Variants in FOCAD observed in about 807,000 individuals in gnomAD.
FOCAD encodes the protein focadhesin.
In FOCAD, 198 loss-of-function variants were observed where a neutral mutation model predicts 225.6. The ratio of observed to expected loss-of-function variants is 0.88; its 90% CI spans 0.78 to 0.99. The LOEUF (loss-of-function observed/expected upper bound fraction) is 0.99. FOCAD is among the 50% of genes least tolerant of loss of function. FOCAD has a pLI of 0.00. For synonymous variants in FOCAD, 897 were observed against 755.0 expected (o/e 1.19, Z -3.08); for missense variants, 2,713 against 2,123.6 (o/e 1.28, Z -5.46).
intron 38 of FOCAD, among the ~76,000 whole-genome samples, chr9:20,982,002 T>G (rs1483664354): frequency 2.0e-5 from 3 of 152,152 alleles, no homozygotes; most frequent in Non-Finnish European, 4.4e-5. Context: ...ACCTGGAGAA[T>G]CCGTGGGCAT....
intron 35 of FOCAD, among the ~76,000 whole-genome samples, chr9:20,958,321 T>C (rs924714609): frequency 1.3e-5 from 2 of 151,898 alleles, no homozygotes; most frequent in Non-Finnish European, 2.9e-5. Context: ...TTGCATATAA[T>C]TGCCAGAAGG....
Position 20,684,855 on chromosome 9 carries a change from C to G in FOCAD, c.-33+562C>G, listed in dbSNP as rs553195910. ...TTTTCAGTCTCCTAGTTCTCTGGCTCCGTCCGCACTTGCGGCAATTACTTG... is the reference window on the plus strand; with the variant it reads ...TTTTCAGTCTCCTAGTTCTCTGGCTGCGTCCGCACTTGCGGCAATTACTTG... On this transcript the variant is annotated intron_variant, in intron 1 of 43. Transcript: ENST00000338382. Among the ~76,000 whole-genome samples, 11 of 152,336 alleles carry G rather than the reference C, an allele frequency of 7.2e-5. No individual in the cohort carries two copies. The South Asian group carries it at 1.0e-3, about 14-fold the overall frequency.
chr9:20,738,475 A>C (rs1353160291), intron 4 of FOCAD, among the ~76,000 whole-genome samples: 1 of 152,208 alleles, frequency 6.6e-6, no homozygotes, highest in Admixed American at 6.5e-5. Context: ...CACAGGAGAG[A>C]GAATCTTTAT....
rs1475833689 is a variant in FOCAD, at chr9:20,715,323, A to C, written c.-31A>C. 1 of 1,459,616 alleles carries C rather than the reference A, an allele frequency of 6.9e-7. No individual in the cohort carries two copies. Among genetic ancestry groups the C allele is most frequent in the Non-Finnish European group, 9.2e-7 (1 of 1,088,706 alleles). 90.4% of individuals were successfully genotyped at this position (1,459,616 alleles called of 1,614,324 possible). A position where few individuals can be genotyped will look rare whatever the true frequency, so the allele number is the denominator to read the frequency against. ...AATATTCTTTTGTTTTGGTTACAGAAGCTGCACACATACATGTAAGAGAAG... is the reference window on the plus strand; with the variant it reads ...AATATTCTTTTGTTTTGGTTACAGACGCTGCACACATACATGTAAGAGAAG... On this transcript the variant is annotated splice_region_variant and 5_prime_UTR_variant, in exon 2 of 44. Transcript: ENST00000338382.
At chr9:20,916,832 G>A in intron 23 of FOCAD, 61 bp from the exon 24 acceptor site, 1 of 1,465,098 alleles carries the variant, frequency 6.8e-7, no homozygotes, top group East Asian at 2.4e-5. Flanking sequence ...TGATGAAAAA[G>A]AGAAAGGAAT....
At chr9:20,866,888 C>CTGTTTTTTTTTTTTTTTTTTTTTTTT in intron 17 of FOCAD, 41 bp from the exon 18 acceptor site, 1 of 341,496 alleles carries the variant, frequency 2.9e-6, no homozygotes, top group Non-Finnish European at 4.2e-6. Context: ...TGTTTGCTTG[C>CTGTTTTTTTTTTTTTTTTTTTTTTTT]TTTTTTTTTT....
intron 4 of FOCAD, among the ~76,000 whole-genome samples, chr9:20,720,960 C>G (rs1825724560): frequency 1.3e-5 from 2 of 152,134 alleles, no homozygotes; most frequent in East Asian, 3.8e-4. Context: ...ATTTATTTCT[C>G]AAATATTTTG....
intron 24 of FOCAD, among the ~76,000 whole-genome samples, chr9:20,917,532 G>C (rs1179579043): frequency 6.6e-6 from 1 of 151,970 alleles, no homozygotes; most frequent in African/African-American, 2.4e-5. Flanking sequence ...ATCTCTTCAG[G>C]TTCCTTTGTC....
chr9:20,720,680 G>A, intron 4 of FOCAD, 146 bp downstream of exon 4: 1 of 778,676 alleles, frequency 1.3e-6, no homozygotes, highest in Non-Finnish European at 2.0e-6. Flanking sequence ...TTTCATATAT[G>A]AAAATATCAT....
intron 40 of FOCAD, among the ~76,000 whole-genome samples, chr9:20,986,982 A>G (rs146598940): frequency 6.6e-6 from 1 of 152,284 alleles, no homozygotes. Context: ...AGACCGTTTT[A>G]GACGTTATGC....
At chr9:20,773,606 C>A (rs1352864586) in intron 8 of FOCAD, among the ~76,000 whole-genome samples, 1 of 152,188 alleles carries the variant, frequency 6.6e-6, no homozygotes, top group Non-Finnish European at 1.5e-5. Flanking sequence ...TTTCCCCTGA[C>A]TATTCAGACT....
intron 1 of FOCAD, among the ~76,000 whole-genome samples, chr9:20,704,324 T>C (rs1271138553): frequency 6.6e-6 from 1 of 152,230 alleles, no homozygotes; most frequent in Non-Finnish European, 1.5e-5. Context: ...CATTTGGTCT[T>C]CAGCTTTCAT....
intron 18 of FOCAD, among the ~76,000 whole-genome samples, chr9:20,870,372 A>G (rs1829653913): frequency 6.6e-6 from 1 of 152,156 alleles, no homozygotes; most frequent in Admixed American, 6.6e-5. Flanking sequence ...AAACTCTTGG[A>G]TTTCCATAGG....
In FOCAD at chr9:20,741,708, G is replaced by A. The variant is rs535529263; in HGVS notation, c.392+1368G>A. On this transcript the variant is annotated intron_variant, in intron 5 of 43. Coordinates refer to ENST00000338382, the MANE Select transcript of FOCAD (RefSeq NM_001375567.1). ...TTTTTTTTTTTTTTTTAACATAGTGGTGTCCTTTGTGACGTAAGGGTTTAT... is the reference window on the plus strand; with the variant it reads ...TTTTTTTTTTTTTTTTAACATAGTGATGTCCTTTGTGACGTAAGGGTTTAT... Among the ~76,000 whole-genome samples the A allele has an allele frequency of 2.3e-4, 28 of 122,588 alleles. No homozygotes were observed. In the South Asian group the frequency reaches 7.7e-3, roughly 34 times the overall value. The allele number at this position is 122,588 out of a possible 152,430, so 80.4% of individuals were successfully genotyped here. A position where few individuals can be genotyped will look rare whatever the true frequency, so the allele number is the denominator to read the frequency against.
intron 35 of FOCAD, among the ~76,000 whole-genome samples, chr9:20,964,033 G>A (rs1370035934): frequency 5.3e-5 from 8 of 152,086 alleles, no homozygotes; most frequent in Non-Finnish European, 1.2e-4. Flanking sequence ...GTTTATAAAT[G>A]TATTTACTTT....
In FOCAD at chr9:20,938,564, C is replaced by T. The variant is rs538585926; in HGVS notation, c.3407+5461C>T. Among the ~76,000 whole-genome samples the T allele has an allele frequency of 1.1e-3, 153 of 144,700 alleles. 1 individual carries two copies. Among genetic ancestry groups the T allele is most frequent in the South Asian group, 6.8e-3 (30 of 4,404 alleles). 94.9% of individuals were successfully genotyped at this position (144,700 alleles called of 152,430 possible). On this transcript the variant is annotated intron_variant, in intron 28 of 43. Transcript: ENST00000338382. ...TGGACACAGGAAGCGGAACATCACA[C>T]ACGGGGGCCTGTTGTGGGGTGGGGG...
intron 4 of FOCAD, among the ~76,000 whole-genome samples, chr9:20,739,883 A>G (rs4446809): frequency 0.81 from 122,601 of 152,088 alleles, 49,699 homozygotes; most frequent in Admixed American, 0.88. Flanking sequence ...TATTTTTCAT[A>G]GTCTGCTAAT....
chr9:20,844,272 TGTGCATAAGGCACTTTTAGA>T (rs1472761161), intron 15 of FOCAD, among the ~76,000 whole-genome samples: 2 of 151,708 alleles, frequency 1.3e-5, no homozygotes, highest in African/African-American at 4.8e-5. Context: ...GTGTTCCTAC[TGTGCATAAGGCACTTTTAGA>T]TGTTAGAGCT....
At chr9:20,850,595 A>AT (rs984894144) in intron 15 of FOCAD, among the ~76,000 whole-genome samples, 1 of 151,728 alleles carries the variant, frequency 6.6e-6, no homozygotes, top group South Asian at 2.1e-4. Context: ...AATTTACATG[A>AT]TTTTTCAAAA....
Sources: gnomAD v4.1 joint callset for allele counts (sites outside exome capture counted in the v4.1 genomes callset) on GRCh38, gnomAD v4.1.1 for gene constraint, MANE v1.5 for transcripts, NCBI Gene and HGNC (gene_info 2026-07-23, HGNC 2026-07-21) for gene names.